Variants in RUNX1T1 observed in about 807,000 individuals in gnomAD.
RUNX1T1 encodes the protein protein CBFA2T1.
Under a neutral mutation model 62.8 loss-of-function variants are expected in RUNX1T1, and 4 were observed. The ratio of observed to expected loss-of-function variants is 0.06; its 90% CI spans 0.03 to 0.15. The LOEUF (loss-of-function observed/expected upper bound fraction) is 0.15, where lower values mean the gene tolerates loss of function less well. Ranked by LOEUF, RUNX1T1 falls within the 10% of genes least tolerant of loss-of-function variation. The probability of loss-of-function intolerance (pLI) is 1.00; values close to 1 mark genes in which losing one functional copy is unlikely to be tolerated. For synonymous variants in RUNX1T1, 291 were observed against 286.0 expected, an observed-to-expected ratio of 1.02 and a Z score of -0.18; for missense variants, 508 against 754.3, an observed-to-expected ratio of 0.67 and a Z score of 3.82.
intron 1 of RUNX1T1, among the ~76,000 whole-genome samples, chr8:92,054,051 G>A (rs1303022798): frequency 1.3e-5 from 2 of 151,872 alleles, no homozygotes; most frequent in African/African-American, 2.4e-5. Context: ...GGGGTGGGGT[G>A]GGGAAGAAGT....
At chr8:91,960,364 C>T in exon 11 of RUNX1T1, 1 of 1,614,088 alleles carries the variant, frequency 6.2e-7, no homozygotes, top group Non-Finnish European at 8.5e-7. Flanking sequence ...GAGCTGACTG[C>T]AGGTGTGTCT....
At chr8:92,005,420 T>C (rs1820566091) in intron 4 of RUNX1T1, 123 bp from the exon 6 acceptor site, 2 of 793,976 alleles carry the variant, frequency 2.5e-6, no homozygotes, top group Non-Finnish European at 3.9e-6. Flanking sequence ...GTCAAATGCA[T>C]GCCATGGGCT....
At chr8:92,102,939 G>C, upstream of RUNX1T1, 3 of 1,499,744 alleles carry the variant, frequency 2.0e-6, no homozygotes, top group South Asian at 2.5e-5. The surrounding 1 kb of genome is among the most constrained non-coding windows in gnomAD (Gnocchi z 4.5). Context: ...GCCGGCCCGC[G>C]GGGCGACGGG....
intron 2 of RUNX1T1, among the ~76,000 whole-genome samples, chr8:92,075,353 T>A (rs138890727): frequency 6.6e-6 from 1 of 152,360 alleles, no homozygotes; most frequent in East Asian, 1.9e-4. Context: ...AATTTTCAAA[T>A]ATTGCAGACT....
At chr8:91,959,597 C>A in exon 11 of RUNX1T1, 1 of 215,850 alleles carries the variant, frequency 4.6e-6, no homozygotes, top group Non-Finnish European at 9.4e-6. Context: ...ATTTTTCATT[C>A]TGTTGACCTG....
chr8:91,988,624 T>TA (rs1429095943), intron 6 of RUNX1T1, among the ~76,000 whole-genome samples: 1 of 152,108 alleles, frequency 6.6e-6, no homozygotes, highest in Non-Finnish European at 1.5e-5. Context: ...TATTTGCCTT[T>TA]AAGGACAAGA....
At chr8:91,963,996 A>T (rs1436834839) in intron 10 of RUNX1T1, among the ~76,000 whole-genome samples, 1 of 152,120 alleles carries the variant, frequency 6.6e-6, no homozygotes, top group Non-Finnish European at 1.5e-5. Flanking sequence ...TTTTGGCATA[A>T]AGAATATTTT....
intron 10 of RUNX1T1, among the ~76,000 whole-genome samples, chr8:91,965,866 T>C (rs1811487107): frequency 6.6e-6 from 1 of 152,068 alleles, no homozygotes; most frequent in Non-Finnish European, 1.5e-5. Flanking sequence ...GTTTTCCTCT[T>C]TCGTTCTTAC....
intron 10 of RUNX1T1, among the ~76,000 whole-genome samples, chr8:91,968,378 T>C (rs556012056): frequency 9.2e-4 from 140 of 152,282 alleles, no homozygotes; most frequent in African/African-American, 3.3e-3. Flanking sequence ...TAGGTTACAG[T>C]GCACTCTCCG....
chr8:92,087,591 CTATT>C (rs1420229244), intron 1 of RUNX1T1, among the ~76,000 whole-genome samples: 2 of 152,166 alleles, frequency 1.3e-5, no homozygotes, highest in Non-Finnish European at 2.9e-5. Flanking sequence ...ATCTATGTAG[CTATT>C]TAATTTGTCC....
chr8:92,102,458 C>G (rs1486561118), upstream of RUNX1T1, among the ~76,000 whole-genome samples: 5 of 151,780 alleles, frequency 3.3e-5, no homozygotes, highest in East Asian at 7.7e-4. The surrounding 1 kb of genome is among the most constrained non-coding windows in gnomAD (Gnocchi z 4.5). Context: ...GAAAAAAACC[C>G]ACGATGCGGG....
intron 1 of RUNX1T1, among the ~76,000 whole-genome samples, chr8:92,040,848 T>A (rs1023663938): frequency 1.3e-5 from 2 of 152,106 alleles, no homozygotes; most frequent in Admixed American, 1.3e-4. Flanking sequence ...AAAGCTGCAG[T>A]GAGATATGAT....
At chr8:92,044,632 G>A (rs983678423) in intron 1 of RUNX1T1, among the ~76,000 whole-genome samples, 6 of 152,104 alleles carry the variant, frequency 3.9e-5, no homozygotes, top group Admixed American at 3.9e-4. Flanking sequence ...ATGAGTTTTG[G>A]AATAAATATT....
upstream of RUNX1T1, among the ~76,000 whole-genome samples, chr8:92,063,306 C>T (rs1391756542): frequency 6.6e-6 from 1 of 152,126 alleles, no homozygotes; most frequent in Non-Finnish European, 1.5e-5. Flanking sequence ...TTATTTTACT[C>T]GAGTGCTTTT....
downstream of RUNX1T1, chr8:91,956,260 C>T (rs2130329355): frequency 4.3e-6 from 1 of 232,010 alleles, no homozygotes; most frequent in Middle Eastern, 1.3e-3. Flanking sequence ...TCTCCTCCCA[C>T]TCTTCCTACT....
chr8:91,969,174 A>G (rs1215087543), intron 10 of RUNX1T1, among the ~76,000 whole-genome samples: 1 of 152,218 alleles, frequency 6.6e-6, no homozygotes, highest in African/African-American at 2.4e-5. Context: ...GGGTTTATTT[A>G]TAATGCTAAA....
At chr8:91,956,369 TAC>T, downstream of RUNX1T1, 1 of 230,710 alleles carries the variant, frequency 4.3e-6, no homozygotes, top group Non-Finnish European at 8.6e-6. Flanking sequence ...CAACTCCTGT[TAC>T]AGAGCCACGC....
At chr8:91,990,768 C>T (rs1817517008) in intron 6 of RUNX1T1, among the ~76,000 whole-genome samples, 1 of 152,018 alleles carries the variant, frequency 6.6e-6, no homozygotes, top group African/African-American at 2.4e-5. Context: ...AGCGATCCTC[C>T]TGCCTCAGCC....
intron 2 of RUNX1T1, among the ~76,000 whole-genome samples, chr8:92,072,309 T>C (rs1833807749): frequency 6.6e-6 from 1 of 152,226 alleles, no homozygotes; most frequent in Non-Finnish European, 1.5e-5. Flanking sequence ...ATACCATCTA[T>C]GATCTGGTTT....
Sources: allele counts gnomAD v4.1 joint callset (sites outside exome capture counted in the v4.1 genomes callset), GRCh38; gene constraint gnomAD v4.1.1; non-coding constraint Gnocchi (gnomAD v3.1); transcripts MANE v1.5; gene names NCBI Gene and HGNC (gene_info 2026-07-23, HGNC 2026-07-21).